PALM2AKAP2: variants seen among roughly 807,000 people sequenced by gnomAD.
The protein encoded by PALM2AKAP2 is PALM2-AKAP2 fusion protein.
PALM2AKAP2 carries 37 observed loss-of-function variants against 71.5 expected under a neutral mutation model. The observed-to-expected ratio is 0.52, with a 90% CI of 0.40 to 0.68. The LOEUF is 0.68. PALM2AKAP2 is among the 30% of genes least tolerant of loss of function. PALM2AKAP2 has a pLI of 0.00. For missense variants in PALM2AKAP2, 1,224 were observed against 1,191.8 expected (o/e 1.03, Z -0.40); for synonymous variants, 468 against 478.8 (o/e 0.98, Z 0.29).
intron 3 of PALM2AKAP2, among the ~76,000 whole-genome samples, chr9:109,903,879 A>G (rs976121683): frequency 2.0e-5 from 3 of 151,912 alleles, no homozygotes; most frequent in Admixed American, 2.0e-4. Context: ...TCAACACTTT[A>G]GTTTTCCTTC....
intron 6 of PALM2AKAP2, among the ~76,000 whole-genome samples, chr9:109,961,118 C>T (rs1248744866): frequency 1.3e-5 from 2 of 152,218 alleles, no homozygotes; most frequent in East Asian, 3.9e-4. Context: ...TTGTTCAGTG[C>T]ATAACATGCA....
chr9:109,685,456 G>T (rs1344815421), intron 1 of PALM2AKAP2, among the ~76,000 whole-genome samples: 1 of 151,864 alleles, frequency 6.6e-6, no homozygotes, highest in East Asian at 1.9e-4. Context: ...GTTTTTTTTG[G>T]TTTCCCAGTG....
intron 1 of PALM2AKAP2, among the ~76,000 whole-genome samples, chr9:109,769,119 C>A (rs1829212875): frequency 6.6e-6 from 1 of 150,618 alleles, no homozygotes; most frequent in African/African-American, 2.5e-5. Context: ...GTAGTTTTTA[C>A]TGACATTAGT....
chr9:109,989,441 A>G (rs1203379896), intron 6 of PALM2AKAP2, among the ~76,000 whole-genome samples: 1 of 152,154 alleles, frequency 6.6e-6, no homozygotes, highest in Admixed American at 6.5e-5. Context: ...TCCTGTGATC[A>G]AGATGGTAAG....
intron 2 of PALM2AKAP2, among the ~76,000 whole-genome samples, chr9:110,152,830 A>C (rs1189611396): frequency 6.6e-6 from 1 of 152,156 alleles, no homozygotes; most frequent in Non-Finnish European, 1.5e-5. Context: ...TTTGAACCAT[A>C]CTTGGGGAGG....
At chr9:109,696,703 C>G (rs1468313111) in intron 1 of PALM2AKAP2, among the ~76,000 whole-genome samples, 1 of 152,112 alleles carries the variant, frequency 6.6e-6, no homozygotes, top group East Asian at 1.9e-4. Context: ...ACCTGCATCC[C>G]CTTCCCTGGG....
chr9:110,110,542 C>CTTTTTTT (rs559402514), intron 1 of PALM2AKAP2, among the ~76,000 whole-genome samples: 19 of 95,364 alleles, frequency 2.0e-4, no homozygotes, highest in South Asian at 8.7e-4. Flanking sequence ...TTTCTGAACT[C>CTTTTTTT]TTTTTTTTTT....
rs1229248749 is a variant in PALM2AKAP2 at position 109,720,735 on chromosome 9, GT to G, written c.6-59751del. Among the ~76,000 whole-genome samples, 4 of 152,354 alleles carry G rather than the reference GT, an allele frequency of 2.6e-5. No homozygotes were observed. In the East Asian group the frequency reaches 7.7e-4, roughly 29 times the overall value. ...ATATCCACATATAGATTTGATTTGT[GT>G]TGTGTAAGGATATACACAAATGCAG... On this transcript the variant is annotated intron_variant, in intron 1 of 6. Coordinates refer to the PALM2AKAP2 transcript ENST00000374531.
At chr9:109,905,229 T>C (rs1415643108) in intron 3 of PALM2AKAP2, among the ~76,000 whole-genome samples, 4 of 152,214 alleles carry the variant, frequency 2.6e-5, no homozygotes, top group Non-Finnish European at 4.4e-5. Context: ...ATAATAAATG[T>C]ACTGGGACAG....
At chr9:109,991,409 A>AT (rs888528618) in intron 6 of PALM2AKAP2, among the ~76,000 whole-genome samples, 230 of 146,392 alleles carry the variant, frequency 1.6e-3, no homozygotes, top group South Asian at 5.2e-3. Context: ...GCTAATTTAA[A>AT]TTTTTTTTTT....
chr9:110,067,600 G>A (rs1366714604), intron 1 of PALM2AKAP2, among the ~76,000 whole-genome samples: 2 of 152,232 alleles, frequency 1.3e-5, no homozygotes, highest in African/African-American at 4.8e-5. Context: ...AGGTGGGTGT[G>A]AACAGAGGAA....
intron 1 of PALM2AKAP2, among the ~76,000 whole-genome samples, chr9:109,702,097 G>T (rs902249106): frequency 1.3e-5 from 2 of 152,188 alleles, no homozygotes; most frequent in Non-Finnish European, 2.9e-5. Context: ...AACAACAGGT[G>T]CTGGAGAGGA....
intron 1 of PALM2AKAP2, among the ~76,000 whole-genome samples, chr9:109,797,641 C>T (rs989770840): frequency 2.6e-5 from 4 of 152,218 alleles, no homozygotes; most frequent in South Asian, 2.1e-4. Flanking sequence ...TCACCCTCCC[C>T]GTTGCACACC....
intron 3 of PALM2AKAP2, among the ~76,000 whole-genome samples, chr9:109,912,132 G>C (rs934559753): frequency 1.3e-5 from 2 of 152,136 alleles, no homozygotes; most frequent in South Asian, 2.1e-4. Context: ...AAGGCATAAG[G>C]CTGGAAAGGG....
At chr9:109,890,576 C>T (rs1005047223) in intron 3 of PALM2AKAP2, among the ~76,000 whole-genome samples, 1 of 152,156 alleles carries the variant, frequency 6.6e-6, no homozygotes, top group African/African-American at 2.4e-5. Flanking sequence ...ATCTCTCATC[C>T]AAAGGTATAA....
At chr9:110,160,523 A>G (rs7863279) in intron 3 of PALM2AKAP2, among the ~76,000 whole-genome samples, 8,292 of 152,198 alleles carry the variant, frequency 0.054, 603 homozygotes, top group African/African-American at 0.17. Flanking sequence ...ATGATGGGCT[A>G]TTTGGATGTT....
chr9:110,016,871 T>A (rs1300592454), intron 7 of PALM2AKAP2, among the ~76,000 whole-genome samples: 1 of 152,220 alleles, frequency 6.6e-6, no homozygotes, highest in Non-Finnish European at 1.5e-5. Flanking sequence ...TATATAGAGC[T>A]GTAACTGGAG....
intron 6 of PALM2AKAP2, among the ~76,000 whole-genome samples, chr9:109,997,787 C>G (rs1284392814): frequency 2.0e-5 from 3 of 151,046 alleles, no homozygotes; most frequent in African/African-American, 7.2e-5. Flanking sequence ...GAGCCACCAC[C>G]TGGAGTGGGG....
At chr9:109,665,858 T>C (rs915824014) in intron 1 of PALM2AKAP2, among the ~76,000 whole-genome samples, 4 of 152,222 alleles carry the variant, frequency 2.6e-5, no homozygotes, top group Admixed American at 2.6e-4. Flanking sequence ...AGTTCGAGCT[T>C]CCCTGCTGCT....
Sources: allele counts gnomAD v4.1 joint callset (sites outside exome capture counted in the v4.1 genomes callset), GRCh38; gene constraint gnomAD v4.1.1; transcripts MANE v1.5; gene names NCBI Gene and HGNC (gene_info 2026-07-23, HGNC 2026-07-21).